The following PCDH17 variants were observed in gnomAD, a reference collection of about 807,000 sequenced individuals.
PCDH17 encodes the protein protocadherin-17.
In PCDH17, 21 loss-of-function variants were observed where a neutral mutation model predicts 67.7. The ratio of observed to expected loss-of-function variants is 0.31; its 90% confidence interval spans 0.22 to 0.45. PCDH17 has a LOEUF of 0.45. Among genes scored for constraint, PCDH17 ranks in the 20% least tolerant of loss-of-function variants. The probability of loss-of-function intolerance (pLI) is 1.00; values close to 1 mark genes in which losing one functional copy is unlikely to be tolerated. For synonymous variants in PCDH17, 701 were observed against 656.7 expected, an observed-to-expected ratio of 1.07 and a Z score of -1.03; for missense variants, 1,471 against 1,564.8, an observed-to-expected ratio of 0.94 and a Z score of 1.01.
At chr13:57,676,964 A>G (rs959095312) in intron 3 of PCDH17, among the ~76,000 whole-genome samples, 10 of 151,938 alleles carry the variant, frequency 6.6e-5, no homozygotes, top group African/African-American at 2.4e-4. Flanking sequence ...CACTATTTTG[A>G]AAGAAGAAAC....
chr13:57,676,491 A>G (rs1955392471), intron 3 of PCDH17, among the ~76,000 whole-genome samples: 2 of 151,906 alleles, frequency 1.3e-5, no homozygotes, highest in African/African-American at 4.8e-5. Flanking sequence ...GCAACTGGCA[A>G]TTACAGTTTG....
At chr13:57,694,844 T>G (rs918696582) in intron 3 of PCDH17, among the ~76,000 whole-genome samples, 3 of 151,196 alleles carry the variant, frequency 2.0e-5, no homozygotes, top group Non-Finnish European at 4.5e-5. Context: ...CATTGCCACA[T>G]GTATCATTCT....
At chr13:57,713,658 T>C (rs1955795398) in intron 3 of PCDH17, among the ~76,000 whole-genome samples, 1 of 151,618 alleles carries the variant, frequency 6.6e-6, no homozygotes, top group Non-Finnish European at 1.5e-5. Context: ...TTAGAAAGAT[T>C]CCACTTCATA....
At chr13:57,639,517 A>G (rs968644001) in intron 1 of PCDH17, among the ~76,000 whole-genome samples, 5 of 151,886 alleles carry the variant, frequency 3.3e-5, no homozygotes, top group Non-Finnish European at 7.4e-5. Flanking sequence ...CTTGTTTTTA[A>G]TATTAACTAA....
At chr13:57,652,054 G>A (rs1283462955) in intron 1 of PCDH17, among the ~76,000 whole-genome samples, 1 of 151,868 alleles carries the variant, frequency 6.6e-6, no homozygotes, top group Non-Finnish European at 1.5e-5. Context: ...TGAGGCGGGT[G>A]GATCATGAGG....
rs1954740339 is a variant in PCDH17 at position 57,632,563 on chromosome 13, G to A, written c.17G>A (p.Cys6Tyr). Residue 6 changes from cysteine to tyrosine, a missense_variant, in exon 1 of 4, where the codon TGT becomes TAT. This residue lies in a region of PCDH17 where 1,163 missense variants were observed against 1,230.0 expected (regional missense o/e 0.95). Transcript: ENST00000377918. The stretch of plus-strand genomic sequence containing the variant: ...AGGTCTGGGATGTACCTTTCCATCT[G>A]TTGCTGCTTTCTTCTATGGGCCCCT... MYLSI[C>Y]CCFLLWAPAL... The A allele has an allele frequency of 6.2e-7, 1 of 1,613,610 alleles. No individual in the cohort carries two copies. Among genetic ancestry groups the A allele is most frequent in the Admixed American group, 1.7e-5 (1 of 59,962 alleles).
At chr13:57,652,501 A>T (rs1162531284) in intron 1 of PCDH17, among the ~76,000 whole-genome samples, 1 of 152,184 alleles carries the variant, frequency 6.6e-6, no homozygotes, top group Admixed American at 6.5e-5. Context: ...ATAACAAAGT[A>T]AACTCTAAAG....
At position 57,725,040 on chromosome 13, in the gene PCDH17, A is replaced by C. The variant is rs1389690620; in HGVS notation, c.3226A>C (p.Ser1076Arg). 7 of 1,614,074 alleles carry C rather than the reference A, an allele frequency of 4.3e-6. No individual in the cohort carries two copies. Among genetic ancestry groups the C allele is most frequent in the Non-Finnish European group, 5.9e-6 (7 of 1,180,030 alleles). Residue 1076 changes from serine to arginine, a missense_variant, in exon 4 of 4, where the codon AGT (serine) becomes CGT (arginine). Physicochemically the swap from Ser to Arg is moderately radical, Grantham distance 110 (BLOSUM62 -1). This residue lies in a region of PCDH17 where 297 missense variants were observed against 298.6 expected (regional missense o/e 0.99). Coordinates refer to ENST00000377918, the MANE Select transcript of PCDH17 (RefSeq NM_001040429.3). The stretch of plus-strand genomic sequence containing the variant: ...AAGCAGTCAGTACTTGCCCACTGAC[A>C]GTCAATATCTGTCACCTAGTAAGCA... The part of the protein sequence containing the change: ...EASSQYLPTD[S>R]QYLSPSKQPR...
intron 3 of PCDH17, among the ~76,000 whole-genome samples, chr13:57,673,971 C>T (rs968108499): frequency 6.6e-6 from 1 of 151,978 alleles, no homozygotes; most frequent in African/African-American, 2.4e-5. Context: ...CAACTGCCCC[C>T]ACAGTTTACC....
At chr13:57,704,577 CA>C (rs1296982291) in intron 3 of PCDH17, among the ~76,000 whole-genome samples, 4 of 143,602 alleles carry the variant, frequency 2.8e-5, no homozygotes, top group Non-Finnish European at 4.6e-5. Flanking sequence ...AAAAAAAAAA[CA>C]AAAAAACTAC....
chr13:57,634,859 G>A lies in PCDH17; in HGVS notation c.2313G>A (p.Gln771=). ...ACAAAAATGATATCATGCTGGTGCA[G>A]AGCGAAGTGGAGGAGAGGAACGCCA... ...KINKNDIMLV[Q]SEVEERNAMN... The change falls in exon 1 of 4, where the codon CAG becomes CAA. Residue 771 remains glutamine (Q), a synonymous_variant. Transcript: ENST00000377918. This position sits in a 1 kb window ranked among gnomAD's most constrained non-coding sequence, Gnocchi z 7.8. 1 of 1,614,142 alleles carries A rather than the reference G, an allele frequency of 6.2e-7. No homozygotes were observed. The highest frequency in any genetic ancestry group is 1.1e-5 in the South Asian group (1 of 91,080).
intron 3 of PCDH17, among the ~76,000 whole-genome samples, chr13:57,711,319 CA>C (rs1440617353): frequency 4.0e-5 from 6 of 151,866 alleles, no homozygotes; most frequent in Non-Finnish European, 7.4e-5. Context: ...ACAAGAAACA[CA>C]GAGCTAGTGT....
chr13:57,689,200 A>C (rs2138059123), intron 3 of PCDH17, among the ~76,000 whole-genome samples: 1 of 152,202 alleles, frequency 6.6e-6, no homozygotes, highest in East Asian at 1.9e-4. Flanking sequence ...TAGAAGGGGT[A>C]GACAACAATA....
chr13:57,717,516 A>C (rs1176931794), intron 3 of PCDH17, among the ~76,000 whole-genome samples: 1 of 152,010 alleles, frequency 6.6e-6, no homozygotes, highest in Non-Finnish European at 1.5e-5. Flanking sequence ...GAAGGTGTGC[A>C]GGTGCATTGA....
At chr13:57,699,261 T>C (rs559485718) in intron 3 of PCDH17, among the ~76,000 whole-genome samples, 1 of 152,206 alleles carries the variant, frequency 6.6e-6, no homozygotes, top group South Asian at 2.1e-4. Flanking sequence ...GTGTTCATGT[T>C]TGTGAAATGA....
chr13:57,654,316 C>A (rs1955078554), intron 1 of PCDH17, among the ~76,000 whole-genome samples: 2 of 151,932 alleles, frequency 1.3e-5, no homozygotes, highest in Non-Finnish European at 2.9e-5. Flanking sequence ...TGGCTGAGTT[C>A]CAATAAAACT....
chr13:57,700,321 CTTT>C (rs1238464454), intron 3 of PCDH17, among the ~76,000 whole-genome samples: 7 of 137,854 alleles, frequency 5.1e-5, no homozygotes, highest in Admixed American at 7.3e-5. Context: ...CTCTCTCTCT[CTTT>C]TTTTTTTTTT....
intron 3 of PCDH17, among the ~76,000 whole-genome samples, chr13:57,706,156 A>G (rs1349895568): frequency 6.6e-6 from 1 of 152,132 alleles, no homozygotes; most frequent in African/African-American, 2.4e-5. Flanking sequence ...ATTTGTAGAC[A>G]TTTTAAGAAA....
Position 57,667,228 on chromosome 13 carries a change from TG to T in PCDH17, c.2797+397del, listed in dbSNP as rs562585850. Among the ~76,000 whole-genome samples, 8 of 152,246 alleles carry T rather than the reference TG, an allele frequency of 5.3e-5. No homozygotes were observed. In the South Asian group the frequency reaches 1.2e-3, roughly 24 times the overall value. On this transcript the variant is annotated intron_variant, in intron 3 of 3. Coordinates refer to ENST00000377918, the MANE Select transcript of PCDH17 (RefSeq NM_001040429.3). ...CACTTTTTAGATAAAATGAAATCATTGGAATTTTATAGCTCTTAGCAGTGCT... is the reference window on the plus strand; with the variant it reads ...CACTTTTTAGATAAAATGAAATCATTGAATTTTATAGCTCTTAGCAGTGCT...
Sources: allele counts gnomAD v4.1 joint callset (sites outside exome capture counted in the v4.1 genomes callset), GRCh38; gene constraint gnomAD v4.1.1; regional missense constraint gnomAD v4.1.1; non-coding constraint Gnocchi (gnomAD v3.1); transcripts MANE v1.5; gene names NCBI Gene and HGNC (gene_info 2026-07-23, HGNC 2026-07-21).